The following XRN1 variants were observed in gnomAD, a reference collection of about 807,000 sequenced individuals.
The protein encoded by XRN1 is 5'-3' exoribonuclease 1, also known as strand-exchange protein 1 homolog.
In XRN1, 67 loss-of-function variants were observed where a neutral mutation model predicts 222.3. The ratio of observed to expected loss-of-function variants is 0.30; its 90% confidence interval spans 0.25 to 0.37. The LOEUF is 0.37. Among genes scored for constraint, XRN1 ranks in the 10% least tolerant of loss-of-function variants. The pLI is 1.00. For synonymous variants in XRN1, 643 were observed against 652.4 expected, an observed-to-expected ratio of 0.99 and a Z score of 0.22; for missense variants, 1,707 against 2,000.2, an observed-to-expected ratio of 0.85 and a Z score of 2.80.
chr3:142,382,910 T>C (rs114849246), intron 22 of XRN1, among the ~76,000 whole-genome samples: 459 of 152,292 alleles, frequency 3.0e-3, no homozygotes, highest in Admixed American at 5.0e-3. Context: ...CCTTCCATAT[T>C]TGCATGTACC....
At chr3:142,316,678 A>G (rs2065218745) in intron 39 of XRN1, among the ~76,000 whole-genome samples, 1 of 152,162 alleles carries the variant, frequency 6.6e-6, no homozygotes, top group Non-Finnish European at 1.5e-5. Flanking sequence ...CATTCATTGT[A>G]TAACTATACT....
intron 8 of XRN1, 40 bp from the exon 9 acceptor site, chr3:142,421,583 C>T (rs2069036405): frequency 1.4e-6 from 2 of 1,430,622 alleles, no homozygotes; most frequent in Non-Finnish European, 1.9e-6. Flanking sequence ...TAAAAGCTGA[C>T]ATTTTTTCTA....
At position 142,380,424 on chromosome 3, in the gene XRN1, T is replaced by C. The variant is rs376846172; in HGVS notation, c.2617-244A>G. Among the ~76,000 whole-genome samples, 4 of 152,260 alleles carry C rather than the reference T, an allele frequency of 2.6e-5. No individual in the cohort carries two copies. The South Asian group carries it at 6.2e-4, about 24-fold the overall frequency. On this transcript the variant is annotated intron_variant, in intron 22 of 40. Coordinates refer to ENST00000392981, the MANE Select transcript of XRN1 (RefSeq NM_001282857.2). ...TTGAGTCACTGTATCATTGCTTTAA[T>C]GGTTGTTAATTTGTTTTTTCTTGTT...
chr3:142,419,319 G>A (rs181713899), intron 10 of XRN1, among the ~76,000 whole-genome samples: 2,044 of 150,718 alleles, frequency 0.014, 24 homozygotes, highest in Non-Finnish European at 0.021. Flanking sequence ...GTTTTCTTAG[G>A]GGGGGAAAAA....
intron 1 of XRN1, among the ~76,000 whole-genome samples, chr3:142,443,501 A>G (rs1241791140): frequency 6.6e-6 from 1 of 152,190 alleles, no homozygotes; most frequent in Non-Finnish European, 1.5e-5. Flanking sequence ...GAAATAGCCA[A>G]TCATCTACTG....
chr3:142,350,220 GAA>G (rs2066265804), intron 32 of XRN1, among the ~76,000 whole-genome samples: 1 of 152,104 alleles, frequency 6.6e-6, no homozygotes, highest in Non-Finnish European at 1.5e-5. Flanking sequence ...TTTGTGGCTG[GAA>G]AAGACCTTAG....
chr3:142,369,985 T>A (rs948142204), intron 27 of XRN1, among the ~76,000 whole-genome samples: 7 of 150,644 alleles, frequency 4.6e-5, no homozygotes, highest in Admixed American at 4.0e-4. Context: ...AGGCGGAGGT[T>A]GCAGTGAGCC....
intron 15 of XRN1, among the ~76,000 whole-genome samples, chr3:142,405,891 TAA>T (rs1415076777): frequency 2.0e-5 from 3 of 152,084 alleles, no homozygotes; most frequent in African/African-American, 7.2e-5. Context: ...TTTAGTGTGA[TAA>T]AGTTTTATTT....
chr3:142,430,905 C>T (rs1437677248), intron 2 of XRN1, among the ~76,000 whole-genome samples: 1 of 152,192 alleles, frequency 6.6e-6, no homozygotes, highest in Non-Finnish European at 1.5e-5. Flanking sequence ...TTTTACTTCT[C>T]CTACCGCCTA....
At chr3:142,329,683 AG>A in intron 36 of XRN1, 68 bp from the exon 37 acceptor site, 1 of 1,439,002 alleles carries the variant, frequency 6.9e-7, no homozygotes, top group Non-Finnish European at 9.2e-7. Context: ...CACTTATTGT[AG>A]GGTTTTATAG....
At chr3:142,382,253 TCC>T (rs2067329884) in intron 22 of XRN1, among the ~76,000 whole-genome samples, 1 of 152,126 alleles carries the variant, frequency 6.6e-6, no homozygotes, top group South Asian at 2.1e-4. Flanking sequence ...TAGATTTAGT[TCC>T]CAAAGATGAT....
chr3:142,436,015 G>C (rs1330959436), intron 1 of XRN1: 1 of 145,714 alleles, frequency 6.9e-6, no homozygotes, highest in Admixed American at 6.9e-5. Flanking sequence ...AGCTGAGATC[G>C]TGCCGCTGCA....
intron 33 of XRN1, 90 bp from the exon 34 acceptor site, chr3:142,335,599 T>A: frequency 1.7e-6 from 2 of 1,195,496 alleles, no homozygotes; most frequent in Non-Finnish European, 2.4e-6. Flanking sequence ...AGGCACTGTG[T>A]TAAAAATTCA....
intron 15 of XRN1, 123 bp downstream of exon 15, chr3:142,412,421 G>T: frequency 7.7e-7 from 1 of 1,295,408 alleles, no homozygotes. Context: ...ACATAATGAA[G>T]AGGGTAGCTA....
chr3:142,355,465 T>C lies in XRN1; in HGVS notation c.3704A>G (p.Asn1235Ser), dbSNP rs375612317. Residue 1235 changes from asparagine (N) to serine (S), a missense_variant, in exon 32 of 41, where the codon AAC becomes AGC. Asn to Ser is a conservative substitution (Grantham distance 46). This residue lies in a region of XRN1 where 1,234 missense variants were observed against 1,518.2 expected (regional missense o/e 0.81). Coordinates refer to ENST00000392981, the MANE Select transcript of XRN1 (RefSeq NM_001282857.2). ...VPTKDDDEFC[N>S]IWQSLQGSGK... is the part of the protein sequence containing the mutation. ...AGATCCCTGTAAGGACTGCCAAATG[T>C]TGCAGAATTCATCATCATCTTTAGT... 40 of 1,599,946 alleles carry C rather than the reference T, an allele frequency of 2.5e-5. No homozygotes were observed. Among genetic ancestry groups the C allele is most frequent in the Admixed American group, 3.4e-5 (2 of 59,576 alleles).
intron 29 of XRN1, among the ~76,000 whole-genome samples, chr3:142,362,938 T>C (rs888958345): frequency 4.0e-5 from 6 of 151,606 alleles, no homozygotes; most frequent in Non-Finnish European, 7.4e-5. Flanking sequence ...GCCTGGCTAA[T>C]TAAAAAAAAT....
At chr3:142,404,070 T>A in intron 16 of XRN1, 81 bp from the exon 17 acceptor site, 1 of 1,190,638 alleles carries the variant, frequency 8.4e-7, no homozygotes, top group Non-Finnish European at 1.2e-6. Flanking sequence ...CTTGTATATT[T>A]CGTAAGAGTC....
At chr3:142,401,435 C>T (rs2068125760) in intron 18 of XRN1, among the ~76,000 whole-genome samples, 1 of 152,154 alleles carries the variant, frequency 6.6e-6, no homozygotes, top group Non-Finnish European at 1.5e-5. Context: ...AAACTGTAGG[C>T]TGGGCGCTGT....
rs1401008711 is a variant in XRN1 at position 142,318,609 on chromosome 3, G to A, written c.4604C>T (p.Ala1535Val). Reference sequence around the variant, plus strand: ...TATCTTACCAGTAGGTGGGGGAAAGGCTGGAGGAATGGTTCCAGGTGGTAC... The same window carrying A: ...TATCTTACCAGTAGGTGGGGGAAAGACTGGAGGAATGGTTCCAGGTGGTAC... Reference protein sequence around the residue: ...SAVPPGTIPPAFPPPTANIMP... With the variant: ...SAVPPGTIPPVFPPPTANIMP... Residue 1535 changes from alanine (A) to valine (V), a missense_variant, in exon 39 of 41, where the codon GCC (alanine) becomes GTC (valine). Physicochemically the swap from Ala to Val is moderately conservative, Grantham distance 64 (BLOSUM62 0). Transcript: ENST00000392981. The A allele has an allele frequency of 6.2e-7, 1 of 1,606,844 alleles. No homozygotes were observed. Among genetic ancestry groups the A allele is most frequent in the Non-Finnish European group, 8.5e-7 (1 of 1,177,126 alleles).
Sources: allele counts gnomAD v4.1 joint callset (sites outside exome capture counted in the v4.1 genomes callset), GRCh38; gene constraint gnomAD v4.1.1; regional missense constraint gnomAD v4.1.1; transcripts MANE v1.5; gene names NCBI Gene and HGNC (gene_info 2026-07-23, HGNC 2026-07-21).